Variants in RGS6 observed in about 807,000 individuals in gnomAD.
RGS6 encodes regulator of G-protein signaling 6.
In RGS6, 30 loss-of-function variants were observed where a neutral mutation model predicts 78.5. The ratio of observed to expected loss-of-function variants is 0.38; its 90% CI spans 0.29 to 0.52. The LOEUF is 0.52. RGS6 is among the 20% of genes least tolerant of loss of function. RGS6 has a pLI of 0.85. For missense variants in RGS6, 495 were observed against 609.7 expected, an observed-to-expected ratio of 0.81 and a Z score of 1.98; for synonymous variants, 206 against 206.0, an observed-to-expected ratio of 1.00 and a Z score of 0.00.
At chr14:72,325,448 T>C (rs553688523) in intron 2 of RGS6, among the ~76,000 whole-genome samples, 6 of 152,176 alleles carry the variant, frequency 3.9e-5, no homozygotes, top group African/African-American at 4.8e-5. Flanking sequence ...TCCTGAATGG[T>C]ATTGCCTAGG....
intron 2 of RGS6, among the ~76,000 whole-genome samples, chr14:72,247,287 T>C (rs2054474042): frequency 6.6e-6 from 1 of 152,184 alleles, no homozygotes; most frequent in Admixed American, 6.5e-5. Flanking sequence ...ATTTCTTCTT[T>C]TGTGTCTCCC....
chr14:72,353,891 G>A (rs1431060426), intron 3 of RGS6, among the ~76,000 whole-genome samples: 1 of 152,088 alleles, frequency 6.6e-6, no homozygotes, highest in African/African-American at 2.4e-5. Flanking sequence ...GACTGAGGCA[G>A]GAGAATCACT....
At chr14:72,487,596 A>C (rs2096512647) in intron 12 of RGS6, among the ~76,000 whole-genome samples, 1 of 152,238 alleles carries the variant, frequency 6.6e-6, no homozygotes, top group Non-Finnish European at 1.5e-5. Context: ...AGAGTGATGC[A>C]GCATGAGAAA....
chr14:72,347,594 T>G (rs1334978281), intron 2 of RGS6, among the ~76,000 whole-genome samples: 1 of 152,182 alleles, frequency 6.6e-6, no homozygotes, highest in Non-Finnish European at 1.5e-5. Context: ...ATAATCTACC[T>G]CCTGTGAGAA....
At chr14:72,408,603 TCA>T (rs1199759127) in intron 3 of RGS6, among the ~76,000 whole-genome samples, 3 of 152,230 alleles carry the variant, frequency 2.0e-5, no homozygotes, top group Non-Finnish European at 4.4e-5. Flanking sequence ...CCATGAGCGT[TCA>T]CAGTTGAATG....
At chr14:72,154,036 C>T (rs543074162) in intron 2 of RGS6, among the ~76,000 whole-genome samples, 85 of 152,222 alleles carry the variant, frequency 5.6e-4, no homozygotes, top group Non-Finnish European at 4.7e-4. Context: ...CCAGAGCGGC[C>T]GTTTATAGAC....
chr14:72,225,343 G>A (rs1323517353), intron 2 of RGS6, among the ~76,000 whole-genome samples: 1 of 151,988 alleles, frequency 6.6e-6, no homozygotes, highest in African/African-American at 2.4e-5. Flanking sequence ...TTATTTTTGA[G>A]ACAGGGCCTC....
intron 3 of RGS6, among the ~76,000 whole-genome samples, chr14:72,356,539 C>T (rs1285736299): frequency 6.6e-6 from 1 of 152,122 alleles, no homozygotes; most frequent in Non-Finnish European, 1.5e-5. Context: ...TAGTCAGATT[C>T]GGATTCAAGT....
chr14:72,334,341 G>A (rs1207792566), intron 2 of RGS6, among the ~76,000 whole-genome samples: 4 of 152,322 alleles, frequency 2.6e-5, no homozygotes, highest in Admixed American at 6.5e-5. Context: ...CTTCCTATAT[G>A]TCTCGTTTGA....
At chr14:72,098,521 C>T (rs761601025) in intron 2 of RGS6, among the ~76,000 whole-genome samples, 3 of 152,132 alleles carry the variant, frequency 2.0e-5, no homozygotes, top group South Asian at 2.1e-4. Context: ...TTAATGAGCA[C>T]GAACTGTCAG....
intron 12 of RGS6, among the ~76,000 whole-genome samples, chr14:72,492,748 A>G (rs1391334640): frequency 6.6e-6 from 1 of 152,170 alleles, no homozygotes; most frequent in Non-Finnish European, 1.5e-5. Flanking sequence ...AGCCAGACAT[A>G]TATACCCACA....
intron 2 of RGS6, among the ~76,000 whole-genome samples, chr14:72,251,552 A>G (rs1471693829): frequency 2.0e-5 from 3 of 152,150 alleles, no homozygotes; most frequent in Admixed American, 2.0e-4. Context: ...TTGGAATATC[A>G]TTTTTCTGAG....
chr14:72,138,025 C>T (rs2096474680), intron 2 of RGS6, among the ~76,000 whole-genome samples: 1 of 152,156 alleles, frequency 6.6e-6, no homozygotes, highest in Non-Finnish European at 1.5e-5. Context: ...TAATACTATA[C>T]AAAAGGACGC....
At chr14:72,393,190 C>G (rs2090416203) in intron 3 of RGS6, among the ~76,000 whole-genome samples, 1 of 152,190 alleles carries the variant, frequency 6.6e-6, no homozygotes, top group African/African-American at 2.4e-5. Context: ...AGATCTGACA[C>G]ATTTTTGTCC....
chr14:72,575,789 A>T, the RGS6 span, among the ~76,000 whole-genome samples: 1 of 152,226 alleles, frequency 6.6e-6, no homozygotes, highest in Non-Finnish European at 1.5e-5. Context: ...CACCATAAAT[A>T]TGTGCAATTA....
Position 72,562,538 on chromosome 14 carries a change from G to A in RGS6, c.*71G>A, listed in dbSNP as rs546695314. 608 of 1,597,346 alleles carry A rather than the reference G, an allele frequency of 3.8e-4. 3 individuals are homozygous for A. The highest frequency in any genetic ancestry group is 1.1e-3 in the Admixed American group (64 of 59,152). On this transcript the variant is annotated 3_prime_UTR_variant, in exon 18 of 18. Coordinates refer to ENST00000553525, the MANE Select transcript of RGS6 (RefSeq NM_001204424.2). ...GCAGGCGGCGGCGCTCCACATCTGC[G>A]GACAGAGTTTCCTTACGAGGAGACT...
chr14:72,510,150 A>G lies in RGS6; in HGVS notation c.966-4A>G, dbSNP rs750108699. ...TCTTTAAACCTTCTTCCTTCACCCC[A>G]AAGCAAAGAGCCCAGCCAACAGCGA... On this transcript the variant is annotated splice_polypyrimidine_tract_variant and splice_region_variant and intron_variant, in intron 13 of 17. Coordinates refer to ENST00000553525, the MANE Select transcript of RGS6 (RefSeq NM_001204424.2). 6.3e-7 allele frequency: 1 copy of G among 1,597,854 alleles called. No individual in the cohort carries two copies. Among genetic ancestry groups the G allele is most frequent in the Admixed American group, 1.8e-5 (1 of 56,244 alleles).
chr14:72,425,164 A>T (rs1390477405), intron 3 of RGS6, among the ~76,000 whole-genome samples: 1 of 152,152 alleles, frequency 6.6e-6, no homozygotes, highest in Non-Finnish European at 1.5e-5. Flanking sequence ...TTTGAGACAG[A>T]GTCTCACTGT....
At chr14:72,393,197 G>T (rs7161517) in intron 3 of RGS6, among the ~76,000 whole-genome samples, 1 of 152,172 alleles carries the variant, frequency 6.6e-6, no homozygotes, top group African/African-American at 2.4e-5. Context: ...ACACATTTTT[G>T]TCCGCACTTT....
Sources: allele counts gnomAD v4.1 joint callset (sites outside exome capture counted in the v4.1 genomes callset), GRCh38; gene constraint gnomAD v4.1.1; transcripts MANE v1.5; gene names NCBI Gene and HGNC (gene_info 2026-07-23, HGNC 2026-07-21).